CROCC: variants seen among roughly 807,000 people sequenced by gnomAD.
The protein encoded by CROCC is ciliary rootlet coiled-coil, rootletin, also known as rootletin.
In CROCC, 180 loss-of-function variants were observed where a neutral mutation model predicts 245.2. The ratio of observed to expected loss-of-function variants is 0.73; its 90% CI spans 0.65 to 0.83. The LOEUF (loss-of-function observed/expected upper bound fraction) is 0.83. CROCC is among the 40% of genes least tolerant of loss of function. The pLI, the probability that CROCC is intolerant of heterozygous loss-of-function variation, is 0.00. For synonymous variants in CROCC, 1,205 were observed against 1,241.6 expected (o/e 0.97, Z 0.62); for missense variants, 2,688 against 2,779.4 (o/e 0.97, Z 0.74).
rs374141463 is a variant in CROCC, at chr1:16,969,288, T to A, written c.5249T>A (p.Leu1750Gln). ...CTCAACAGCACCCGGGACAAGAACC[T>A]GCATCTGCAGAAGGCTCTGACCGCC... ...ASLNSTRDKNLHLQKALTACE... is the reference protein window; with the variant it reads ...ASLNSTRDKNQHLQKALTACE... The change falls in exon 32 of 37, where the codon CTG becomes CAG. Residue 1750 changes from leucine (L) to glutamine (Q), a missense_variant. Around this residue, in one of 9 missense-constraint regions of CROCC, gnomAD observed 1,218 missense variants for 1,286.3 expected, o/e 0.95. Transcript: ENST00000375541. 1.2e-5 allele frequency: 19 copies of A among 1,612,732 alleles called. No individual in the cohort carries two copies. The highest frequency in any genetic ancestry group is 1.6e-5 in the Non-Finnish European group (19 of 1,179,826).
intron 1 of CROCC, among the ~76,000 whole-genome samples, 157 bp downstream of exon 1, chr1:16,922,235 TG>T (rs1299701460): frequency 1.2e-3 from 184 of 152,226 alleles, no homozygotes; most frequent in Non-Finnish European, 7.2e-4. Context: ...CCTGGCAAGA[TG>T]GGGGGCAGAG....
chr1:16,921,857 C>T, upstream of CROCC: 3 of 706,020 alleles, frequency 4.2e-6, no homozygotes, highest in Non-Finnish European at 7.4e-6. Flanking sequence ...CCTCAGCCCA[C>T]ATCCTGCTCC....
At position 16,946,940 on chromosome 1, in the gene CROCC, G is replaced by T; in HGVS notation, c.2463G>T (p.Gln821His). Residue 821 changes from glutamine (Q) to histidine (H), a missense_variant, in exon 17 of 37, where the codon CAG becomes CAT. Around this residue, in one of 9 missense-constraint regions of CROCC, gnomAD observed 295 missense variants for 241.7 expected, o/e 1.22. Coordinates refer to ENST00000375541, the MANE Select transcript of CROCC (RefSeq NM_014675.5). The stretch of plus-strand genomic sequence containing the variant: ...AGGCCCAGGAGGCATTGGAGCAGCA[G>T]CTCCCCACGCTGCGCCATGAGCGCA... ...AEQAQEALEQ[Q>H]LPTLRHERSQ... 6.4e-7 allele frequency: 1 copy of T among 1,560,950 alleles called. No homozygotes were observed.
intron 3 of CROCC, among the ~76,000 whole-genome samples, chr1:16,928,463 CAG>C (rs1156548281): frequency 3.3e-5 from 5 of 152,050 alleles, no homozygotes; most frequent in Admixed American, 3.3e-4. Flanking sequence ...GCAGCAGCAA[CAG>C]AGGCTTTCCT....
chr1:16,915,503 G>A (rs2075292612), intron 1 of CROCC, among the ~76,000 whole-genome samples: 1 of 152,210 alleles, frequency 6.6e-6, no homozygotes, highest in Non-Finnish European at 1.5e-5. Context: ...AGCCAGACGT[G>A]GTGGCACGCA....
rs748070984 is a variant in CROCC at position 16,958,743 on chromosome 1, G to A, written c.4025G>A (p.Arg1342Gln). The change falls in exon 26 of 37, where the codon CGG becomes CAG. Residue 1342 changes from arginine to glutamine, a missense_variant. By Grantham distance (43) the Arg-to-Gln change is conservative. This residue lies in a region of CROCC where 1,218 missense variants were observed against 1,286.3 expected (regional missense o/e 0.95). Transcript: ENST00000375541. ...GGCGAGGCCAGCCTGGAGGTGATGC[G>A]GCAGGAGGTAACTGAGCAGGCGGGC... ...LKGEASLEVM[R>Q]QELQVAQRKL... 1.9e-5 allele frequency: 30 copies of A among 1,559,098 alleles called. No individual in the cohort carries two copies. The highest frequency in any genetic ancestry group is 2.3e-5 in the Non-Finnish European group (26 of 1,152,140).
rs555187013 is a variant in CROCC, at chr1:16,965,985, T to C, written c.4576-14T>C. On this transcript the variant is annotated splice_polypyrimidine_tract_variant and intron_variant, in intron 28 of 36. Transcript: ENST00000375541. Reference sequence around the variant, plus strand: ...GCAGGGGTCTGTCTTTGTTCCCCCATGTCGGGGCTACAGGACGAACTTCGG... The same window carrying C: ...GCAGGGGTCTGTCTTTGTTCCCCCACGTCGGGGCTACAGGACGAACTTCGG... 23 of 1,610,304 alleles carry C rather than the reference T, an allele frequency of 1.4e-5. No individual in the cohort carries two copies. Among genetic ancestry groups the C allele is most frequent in the Middle Eastern group, 1.7e-4 (1 of 6,050 alleles).
At chr1:16,939,556 A>C (rs1456957199) in intron 12 of CROCC, among the ~76,000 whole-genome samples, 2 of 151,884 alleles carry the variant, frequency 1.3e-5, no homozygotes, top group African/African-American at 2.4e-5. Context: ...GGAGTCTGAG[A>C]GTGGAACCAG....
chr1:16,934,833 C>T (rs1176182805), intron 8 of CROCC, among the ~76,000 whole-genome samples: 3 of 145,252 alleles, frequency 2.1e-5, no homozygotes, highest in Admixed American at 6.8e-5. Flanking sequence ...TTTTTTGCTT[C>T]TTCTTCTTCT....
chr1:16,971,533 G>A lies in CROCC; in HGVS notation c.5853G>A (p.Gln1951=). 1.3e-6 allele frequency: 2 copies of A among 1,536,994 alleles called. No homozygotes were observed. Residue 1951 remains glutamine, a synonymous_variant, in exon 36 of 37, where the codon CAG becomes CAA. Transcript: ENST00000375541. Reference sequence around the variant, plus strand: ...TGGAGGTGGATGCGCAGCAGCAGCAGCTGGAGCTGCAGCAGGAGGTGGAGC... The same window carrying A: ...TGGAGGTGGATGCGCAGCAGCAGCAACTGGAGCTGCAGCAGGAGGTGGAGC... ...AQLEVDAQQQ[Q]LELQQEVERL...
chr1:16,937,596 G>T, intron 9 of CROCC, 45 bp from the exon 10 acceptor site: 1 of 1,505,488 alleles, frequency 6.6e-7, no homozygotes, highest in East Asian at 2.3e-5. Context: ...GATTTGAGAA[G>T]CTGGGGTGGT....
chr1:16,922,908 G>A, intron 2 of CROCC, 110 bp downstream of exon 2: 10 of 1,431,214 alleles, frequency 7.0e-6, no homozygotes, highest in Middle Eastern at 1.8e-4. Flanking sequence ...TCACTGTGGG[G>A]CAGGCACAGC....
intron 12 of CROCC, 84 bp downstream of exon 12, chr1:16,939,226 G>C: frequency 3.8e-6 from 4 of 1,065,280 alleles, no homozygotes; most frequent in Non-Finnish European, 5.0e-6. Context: ...GGGGGCGGGG[G>C]CAGGTCCGGG....
Position 16,930,538 on chromosome 1 carries a change from A to G in CROCC, c.793A>G (p.Thr265Ala), listed in dbSNP as rs2075649501. 3 of 1,612,356 alleles carry G rather than the reference A, an allele frequency of 1.9e-6. No homozygotes were observed. The highest frequency in any genetic ancestry group is 2.7e-5 in the African/African-American group (2 of 74,928). ...CATACGAAAGGTGACCAATGACTGGACACGCTGCCGCAAGGAGCTGGAGCA... is the reference window on the plus strand; with the variant it reads ...CATACGAAAGGTGACCAATGACTGGGCACGCTGCCGCAAGGAGCTGGAGCA... ...EDIRKVTNDW[T>A]RCRKELEHRE... The change falls in exon 7 of 37, where the codon ACA (threonine) becomes GCA (alanine). Residue 265 changes from threonine to alanine, a missense_variant. Transcript: ENST00000375541.
At position 16,970,759 on chromosome 1, in the gene CROCC, C is replaced by G. The variant is rs1181815867; in HGVS notation, c.5776C>G (p.Gln1926Glu). The change falls in exon 35 of 37, where the codon CAG becomes GAG. Residue 1926 changes from glutamine (Q) to glutamate (E), a missense_variant. Around this residue, in one of 9 missense-constraint regions of CROCC, gnomAD observed 1,218 missense variants for 1,286.3 expected, o/e 0.95. Coordinates refer to ENST00000375541, the MANE Select transcript of CROCC (RefSeq NM_014675.5). The part of the protein sequence containing the change: ...ELAEAQRQIQ[Q>E]LEAQVVVLEQ... ...GGCAGAGGCGCAGAGGCAGATCCAG[C>G]AGCTGGAGGTCTGACCCCACCCAGT... 6.3e-7 allele frequency: 1 copy of G among 1,587,642 alleles called. No individual in the cohort carries two copies. The highest frequency in any genetic ancestry group is 8.5e-7 in the Non-Finnish European group (1 of 1,169,618).
intron 36 of CROCC, among the ~76,000 whole-genome samples, chr1:16,971,880 C>T (rs959720354): frequency 9.2e-5 from 14 of 152,208 alleles, no homozygotes; most frequent in African/African-American, 3.4e-4. Flanking sequence ...CTCAGGGTAG[C>T]CTTCTCCCTG....
intron 11 of CROCC, 109 bp from the exon 12 acceptor site, chr1:16,938,800 G>T: frequency 9.1e-7 from 1 of 1,096,266 alleles, no homozygotes; most frequent in East Asian, 2.5e-5. Flanking sequence ...CTTGTAAGAG[G>T]CAGCATTTGG....
intron 3 of CROCC, among the ~76,000 whole-genome samples, chr1:16,928,847 G>C (rs1239372583): frequency 1.3e-5 from 2 of 152,056 alleles, no homozygotes; most frequent in African/African-American, 4.8e-5. Flanking sequence ...AATAAATAAA[G>C]ATGGAGTCTT....
At chr1:16,922,172 G>A in intron 1 of CROCC, 94 bp downstream of exon 1, 8 of 1,265,124 alleles carry the variant, frequency 6.3e-6, no homozygotes, top group Non-Finnish European at 7.6e-6. Flanking sequence ...GGGATCAAGG[G>A]GTGGGAGAGG....
Sources: gnomAD v4.1 joint callset for allele counts (sites outside exome capture counted in the v4.1 genomes callset) on GRCh38, gnomAD v4.1.1 for gene constraint, gnomAD v4.1.1 regional missense constraint, MANE v1.5 for transcripts, NCBI Gene and HGNC (gene_info 2026-07-23, HGNC 2026-07-21) for gene names.